Variants in KIF26A observed in about 807,000 individuals in gnomAD.
KIF26A encodes the protein kinesin family member 26A.
Under a neutral mutation model 126.0 loss-of-function variants are expected in KIF26A, and 74 were observed. The ratio of observed to expected loss-of-function variants is 0.59; its 90% CI spans 0.49 to 0.71. The LOEUF (loss-of-function observed/expected upper bound fraction) is 0.71, where lower values mean the gene tolerates loss of function less well. KIF26A is among the 30% of genes least tolerant of loss of function. The pLI, the probability that KIF26A is intolerant of heterozygous loss-of-function variation, is 0.00. For missense variants in KIF26A, 2,984 were observed against 2,763.3 expected (o/e 1.08, Z -1.79); for synonymous variants, 1,445 against 1,232.7 (o/e 1.17, Z -3.61).
intron 11 of KIF26A, 99 bp from the exon 12 acceptor site, chr14:104,174,881 TCA>T (rs2037998944): frequency 1.6e-6 from 2 of 1,281,074 alleles, no homozygotes; most frequent in African/African-American, 1.5e-5. Flanking sequence ...GTAGTTTTCA[TCA>T]CAGTGACCGC....
At chr14:104,173,637 G>A (rs2037984081) in intron 9 of KIF26A, 69 bp from the exon 10 acceptor site, 4 of 1,571,208 alleles carry the variant, frequency 2.5e-6, no homozygotes, top group Middle Eastern at 2.1e-4. Context: ...CTTGGGCCTG[G>A]GGTGGGGATG....
At chr14:104,172,850 G>GCTCT (rs1426484910) in intron 7 of KIF26A, 127 bp from the exon 8 acceptor site, 1 of 1,316,870 alleles carries the variant, frequency 7.6e-7, no homozygotes, top group African/African-American at 1.5e-5. Context: ...GAAAGGCAGA[G>GCTCT]GGCTTAGGAT....
rs2038048063 is a variant in KIF26A, at chr14:104,177,585, G to A, written c.4797G>A (p.Gly1599=). 3 of 1,533,762 alleles carry A rather than the reference G, an allele frequency of 2.0e-6. No individual in the cohort carries two copies. The highest frequency in any genetic ancestry group is 2.6e-6 in the Non-Finnish European group (3 of 1,145,114). ...GCCATGACAGCGGCGTGAACGTGGG[G>A]GAGGAGCGGCCACCCACGGGCCCGG... ...DSGHDSGVNV[G]EERPPTGPAL... The change falls in exon 12 of 15, where the codon GGG becomes GGA. Residue 1599 remains glycine, a synonymous_variant. Transcript: ENST00000423312.
chr14:104,144,319 G>A (rs1224686040), intron 2 of KIF26A, among the ~76,000 whole-genome samples: 2 of 152,184 alleles, frequency 1.3e-5, no homozygotes, highest in Admixed American at 6.5e-5. Context: ...TCGGGGCAGG[G>A]ACGTGCTCTG....
intron 2 of KIF26A, among the ~76,000 whole-genome samples, chr14:104,149,321 G>A (rs2037706646): frequency 6.6e-6 from 1 of 152,196 alleles, no homozygotes; most frequent in Non-Finnish European, 1.5e-5. Flanking sequence ...GGGGAGGGGT[G>A]CGTGGCCCAC....
In KIF26A at chr14:104,177,809, C is replaced by T; in HGVS notation, c.5021C>T (p.Ser1674Phe). The change falls in exon 12 of 15, where the codon TCC (serine) becomes TTC (phenylalanine). Residue 1674 changes from serine to phenylalanine, a missense_variant. Physicochemically the swap from Ser to Phe is radical, Grantham distance 155. Coordinates refer to ENST00000423312, the MANE Select transcript of KIF26A (RefSeq NM_015656.2). Reference sequence around the variant, plus strand: ...GACAGCGAGGCCACCGGCAGCGCCTCCTCCGCCCCTGACTCCATGAGCGAG... The same window carrying T: ...GACAGCGAGGCCACCGGCAGCGCCTTCTCCGCCCCTGACTCCATGAGCGAG... ...RRDSEATGSA[S>F]SAPDSMSESG... is the part of the protein sequence containing the mutation. 6.4e-7 allele frequency: 1 copy of T among 1,564,496 alleles called. No individual in the cohort carries two copies. The highest frequency in any genetic ancestry group is 8.6e-7 in the Non-Finnish European group (1 of 1,163,204).
At position 104,177,454 on chromosome 14, in the gene KIF26A, A is replaced by G. The variant is rs529603531; in HGVS notation, c.4666A>G (p.Thr1556Ala). The G allele has an allele frequency of 3.3e-5, 51 of 1,528,962 alleles. No homozygotes were observed. The South Asian group carries it at 4.0e-4, about 12-fold the overall frequency. 94.7% of individuals were successfully genotyped at this position (1,528,962 alleles called of 1,614,324 possible). A position where few individuals can be genotyped will look rare whatever the true frequency, so the allele number is the denominator to read the frequency against. The change falls in exon 12 of 15, where the codon ACA (threonine) becomes GCA (alanine). Residue 1556 changes from threonine to alanine, a missense_variant. Physicochemically the swap from Thr to Ala is moderately conservative, Grantham distance 58. Transcript: ENST00000423312. ...AKAGRGTVMG[T>A]KQALRAAHSR... The stretch of plus-strand genomic sequence containing the variant: ...GGCTGGCCGGGGTACCGTCATGGGC[A>G]CAAAGCAGGCGCTCCGGGCTGCTCA...
At chr14:104,162,343 A>G (rs1316252802) in intron 4 of KIF26A, among the ~76,000 whole-genome samples, 2 of 152,320 alleles carry the variant, frequency 1.3e-5, no homozygotes, top group Admixed American at 6.5e-5. Context: ...GCCCGGTCCC[A>G]GCCTCTGTCT....
intron 8 of KIF26A, 37 bp downstream of exon 8, chr14:104,173,276 G>T (rs764946792): frequency 1.2e-6 from 2 of 1,601,292 alleles, no homozygotes; most frequent in Non-Finnish European, 1.7e-6. Flanking sequence ...GGGGAGGGGG[G>T]CTGCACTTGG....
At position 104,173,688 on chromosome 14, in the gene KIF26A, C is replaced by T; in HGVS notation, c.1868-18C>T. The T allele has an allele frequency of 6.2e-7, 1 of 1,609,628 alleles. No homozygotes were observed. The highest frequency in any genetic ancestry group is 8.5e-7 in the Non-Finnish European group (1 of 1,179,046). On this transcript the variant is annotated intron_variant, in intron 9 of 14. Transcript: ENST00000423312. ...GGGCCCCTGGCTACACCATCATTTG[C>T]TTGCCTTGTGGTTCCAGTGTCCGGA...
At chr14:104,146,819 C>G (rs1028763243) in intron 2 of KIF26A, among the ~76,000 whole-genome samples, 2 of 152,136 alleles carry the variant, frequency 1.3e-5, no homozygotes, top group African/African-American at 4.8e-5. Flanking sequence ...CTGGAGCTCA[C>G]GTGGAGACCG....
intron 4 of KIF26A, among the ~76,000 whole-genome samples, chr14:104,161,967 A>G (rs1596140737): frequency 6.6e-6 from 1 of 152,122 alleles, no homozygotes; most frequent in Non-Finnish European, 1.5e-5. Flanking sequence ...GGGGAGACAA[A>G]CCCCACTGCT....
Position 104,177,384 on chromosome 14 carries a change from C to A in KIF26A, c.4596C>A (p.Ala1532=), listed in dbSNP as rs2487301. ...VTGRSPGGPV[A]GPRAAPRAGP... ...GCAGGAGCCCTGGCGGCCCTGTGGC[C>A]GGTCCCAGAGCAGCCCCACGGGCCG... is the stretch of plus-strand genomic sequence containing the variant. Residue 1532 remains alanine (A), a synonymous_variant, in exon 12 of 15, where the codon GCC becomes GCA. Transcript: ENST00000423312. The A allele has an allele frequency of 0.35, 515,999 of 1,481,530 alleles. 96,015 individuals carry two copies. Among genetic ancestry groups the A allele is most frequent in the African/African-American group, 0.7 (49,607 of 71,242 alleles). The allele number at this position is 1,481,530 out of a possible 1,614,324, so 91.8% of individuals were successfully genotyped here. A position where few individuals can be genotyped will look rare whatever the true frequency, so the allele number is the denominator to read the frequency against.
At chr14:104,178,260 G>A (rs370023511) in intron 12 of KIF26A, among the ~76,000 whole-genome samples, 10 of 152,142 alleles carry the variant, frequency 6.6e-5, no homozygotes, top group East Asian at 3.9e-4. Flanking sequence ...GGCGAGTGTC[G>A]AGCTGCCTGG....
Position 104,173,199 on chromosome 14 carries a change from C to T in KIF26A, c.1643C>T (p.Pro548Leu), listed in dbSNP as rs201175395. The T allele has an allele frequency of 8.4e-4, 1,350 of 1,611,320 alleles. 2 individuals are homozygous for T. The highest frequency in any genetic ancestry group is 1.0e-3 in the Non-Finnish European group (1,223 of 1,179,184). ...GGCAGCCTCCAGGACACCCAGTCTCCGGGAGTGTACCTGCGGGAGGACCCC... is the reference window on the plus strand; with the variant it reads ...GGCAGCCTCCAGGACACCCAGTCTCTGGGAGTGTACCTGCGGGAGGACCCC... ...APGSLQDTQS[P>L]GVYLREDPVC... is the part of the protein sequence containing the mutation. The change falls in exon 8 of 15, where the codon CCG (proline) becomes CTG (leucine). Residue 548 changes from proline to leucine, a missense_variant. Physicochemically the swap from Pro to Leu is moderately conservative, Grantham distance 98. Coordinates refer to ENST00000423312, the MANE Select transcript of KIF26A (RefSeq NM_015656.2).
rs2038038174 is a variant in KIF26A at position 104,177,020 on chromosome 14, C to G, written c.4232C>G (p.Ser1411Cys). 1.9e-6 allele frequency: 3 copies of G among 1,563,724 alleles called. No individual in the cohort carries two copies. Among genetic ancestry groups the G allele is most frequent in the South Asian group, 2.3e-5 (2 of 86,208 alleles). Residue 1411 changes from serine (S) to cysteine (C), a missense_variant, in exon 12 of 15, where the codon TCT (serine) becomes TGT (cysteine). By Grantham distance (112) the Ser-to-Cys change is moderately radical. Transcript: ENST00000423312. ...AGACCCAGCAGCCGGGCTGACCACT[C>G]TGTCCCCAGGGCCACGTCCAGCCTG... Reference protein sequence around the residue: ...EPRPSSRADHSVPRATSSLKA... With the variant: ...EPRPSSRADHCVPRATSSLKA...
chr14:104,178,068 G>C (rs2038055799), intron 12 of KIF26A, among the ~76,000 whole-genome samples, 170 bp downstream of exon 12: 1 of 152,240 alleles, frequency 6.6e-6, no homozygotes, highest in African/African-American at 2.4e-5. Flanking sequence ...GGGGCTTTTT[G>C]TGTGTGGAGG....
At chr14:104,155,233 G>A (rs938161434) in intron 3 of KIF26A, among the ~76,000 whole-genome samples, 2 of 152,176 alleles carry the variant, frequency 1.3e-5, no homozygotes, top group African/African-American at 4.8e-5. Flanking sequence ...TGGGGGGCTG[G>A]TGTCTTTCAC....
Position 104,152,176 on chromosome 14 carries a change from G to C in KIF26A, c.450G>C (p.Glu150Asp). The C allele has an allele frequency of 1.9e-6, 3 of 1,608,818 alleles. No homozygotes were observed. In the South Asian group the frequency reaches 3.3e-5, roughly 18 times the overall value. ...TGCTGCAGGCCCCTGCCAGCCATGA[G>C]GACCTTGACGCCCCCCATGGAGGCC... is the stretch of plus-strand genomic sequence containing the variant. The part of the protein sequence containing the change: ...MHLLQAPASH[E>D]DLDAPHGGPS... Residue 150 changes from glutamate to aspartate, a missense_variant, in exon 3 of 15, where the codon GAG (glutamate) becomes GAC (aspartate). Coordinates refer to ENST00000423312, the MANE Select transcript of KIF26A (RefSeq NM_015656.2). The surrounding 1 kb of genome is among the most constrained non-coding windows in gnomAD (Gnocchi z 5.9).
Sources: allele counts gnomAD v4.1 joint callset (sites outside exome capture counted in the v4.1 genomes callset), GRCh38; gene constraint gnomAD v4.1.1; non-coding constraint Gnocchi (gnomAD v3.1); transcripts MANE v1.5; gene names NCBI Gene and HGNC (gene_info 2026-07-23, HGNC 2026-07-21).